The following FAM163A variants were observed in gnomAD, a reference collection of about 807,000 sequenced individuals.
FAM163A encodes the protein family with sequence similarity 163 member A, also known as protein FAM163A.
FAM163A carries 7 observed loss-of-function variants against 12.0 expected under a neutral mutation model. The observed-to-expected ratio is 0.58, with a 90% CI of 0.33 to 1.10. FAM163A has a LOEUF of 1.10. FAM163A is among the 50% of genes least tolerant of loss of function. The pLI is 0.03. For missense variants in FAM163A, 202 were observed against 218.6 expected (o/e 0.92, Z 0.48); for synonymous variants, 101 against 91.0 (o/e 1.11, Z -0.62).
chr1:179,743,996 T>G (rs1228182769), intron 1 of FAM163A, among the ~76,000 whole-genome samples: 1 of 152,028 alleles, frequency 6.6e-6, no homozygotes, highest in Non-Finnish European at 1.5e-5. Flanking sequence ...GGTCAGTGAG[T>G]CCGGATTCGT....
intron 1 of FAM163A, among the ~76,000 whole-genome samples, chr1:179,796,974 A>G (rs1429718024): frequency 6.6e-6 from 1 of 152,184 alleles, no homozygotes; most frequent in African/African-American, 2.4e-5. Flanking sequence ...AGGCCTGTGT[A>G]TGACACGGGG....
chr1:179,734,000 G>A, the FAM163A span, among the ~76,000 whole-genome samples: 1 of 152,172 alleles, frequency 6.6e-6, no homozygotes, highest in Non-Finnish European at 1.5e-5. Context: ...AAATTGGTGT[G>A]TTCCTGTTTA....
chr1:179,774,806 A>T (rs1478912276), intron 1 of FAM163A, among the ~76,000 whole-genome samples: 4 of 152,036 alleles, frequency 2.6e-5, no homozygotes, highest in African/African-American at 9.7e-5. Flanking sequence ...GTCCCCACTG[A>T]CCTCATTTTT....
intron 4 of FAM163A, 121 bp from the exon 5 acceptor site, chr1:179,813,658 T>C: frequency 8.7e-7 from 1 of 1,143,280 alleles, no homozygotes; most frequent in East Asian, 2.6e-5. Flanking sequence ...GCCCCTGGGG[T>C]TCAGTGCCTG....
At chr1:179,797,846 G>C (rs1352975527) in intron 1 of FAM163A, among the ~76,000 whole-genome samples, 1 of 152,180 alleles carries the variant, frequency 6.6e-6, no homozygotes, top group African/African-American at 2.4e-5. Context: ...CCCAAAGAAT[G>C]AGTTGAGAAT....
chr1:179,731,185 G>C, the FAM163A span, among the ~76,000 whole-genome samples: 3 of 152,236 alleles, frequency 2.0e-5, no homozygotes, highest in Admixed American at 2.0e-4. Flanking sequence ...CTAGTATTGA[G>C]TATACAGTCA....
At chr1:179,728,169 C>T in the FAM163A span, among the ~76,000 whole-genome samples, 1 of 152,114 alleles carries the variant, frequency 6.6e-6, no homozygotes, top group African/African-American at 2.4e-5. Context: ...ATTATGTTTC[C>T]TATCCTTAGT....
chr1:179,764,058 A>G (rs17279065), intron 1 of FAM163A, among the ~76,000 whole-genome samples: 48,439 of 152,040 alleles, frequency 0.32, 8,265 homozygotes, highest in Non-Finnish European at 0.37. Context: ...GAATCATAAC[A>G]ACTCTCAGGT....
intron 1 of FAM163A, among the ~76,000 whole-genome samples, chr1:179,746,576 A>G (rs900316512): frequency 4.6e-5 from 7 of 152,206 alleles, no homozygotes; most frequent in African/African-American, 1.7e-4. Flanking sequence ...TTGTCTGTGT[A>G]TAACTATAGA....
At chr1:179,799,457 G>A (rs577266555) in intron 1 of FAM163A, among the ~76,000 whole-genome samples, 5 of 152,364 alleles carry the variant, frequency 3.3e-5, no homozygotes, top group African/African-American at 9.6e-5. Context: ...GAGATGGGCC[G>A]CTCGGCACGT....
At chr1:179,766,781 G>GT (rs1557915403) in intron 1 of FAM163A, among the ~76,000 whole-genome samples, 1 of 150,608 alleles carries the variant, frequency 6.6e-6, no homozygotes, top group African/African-American at 2.4e-5. Flanking sequence ...TGGAGACGTA[G>GT]TTTTACTCTT....
At chr1:179,802,311 T>C (rs1247809495) in intron 1 of FAM163A, among the ~76,000 whole-genome samples, 1 of 152,242 alleles carries the variant, frequency 6.6e-6, no homozygotes, top group Non-Finnish European at 1.5e-5. Context: ...TTCTTATGCC[T>C]CTCATGCTTG....
Position 179,801,722 on chromosome 1 carries a change from A to G in FAM163A, c.-135-6076A>G, listed in dbSNP as rs3843268. Among the ~76,000 whole-genome samples, 1,437 of 152,310 alleles carry G rather than the reference A, an allele frequency of 9.4e-3. 21 individuals are homozygous for G. The highest frequency in any genetic ancestry group is 0.033 in the African/African-American group (1,369 of 41,558). On this transcript the variant is annotated intron_variant, in intron 1 of 4. Coordinates refer to ENST00000341785, the MANE Select transcript of FAM163A (RefSeq NM_173509.3). The stretch of plus-strand genomic sequence containing the variant: ...CCTAGTGCTTTTTCCACTGTGCACA[A>G]CAGAGCACAGCAGGATGGAAGGCTC...
chr1:179,774,863 G>A (rs1688729354), intron 1 of FAM163A, among the ~76,000 whole-genome samples: 1 of 152,120 alleles, frequency 6.6e-6, no homozygotes, highest in South Asian at 2.1e-4. Context: ...GTTTCCCTGA[G>A]CCCCCAGGCC....
chr1:179,783,640 A>G (rs1015545157), intron 1 of FAM163A, among the ~76,000 whole-genome samples: 22 of 147,318 alleles, frequency 1.5e-4, no homozygotes, highest in African/African-American at 5.5e-4. Flanking sequence ...TAAGTAGCAA[A>G]TCCAGAATCT....
intron 1 of FAM163A, among the ~76,000 whole-genome samples, chr1:179,788,182 GCTCCTCTAGT>G (rs945128638): frequency 2.0e-5 from 3 of 152,140 alleles, no homozygotes; most frequent in African/African-American, 7.2e-5. Context: ...CTATTTCCCT[GCTCCTCTAGT>G]CTCCAGTCAA....
At chr1:179,746,625 G>C (rs1049773451) in intron 1 of FAM163A, among the ~76,000 whole-genome samples, 2 of 152,146 alleles carry the variant, frequency 1.3e-5, no homozygotes, top group Non-Finnish European at 1.5e-5. Flanking sequence ...CAGGAAAAGT[G>C]GCCTGTAAAC....
chr1:179,770,194 C>T (rs982155645), intron 1 of FAM163A, among the ~76,000 whole-genome samples: 4 of 151,962 alleles, frequency 2.6e-5, no homozygotes, highest in Non-Finnish European at 2.9e-5. Context: ...TGTGAGCCAC[C>T]GCGCCTGGCC....
intron 1 of FAM163A, among the ~76,000 whole-genome samples, chr1:179,787,880 C>T (rs1690876919): frequency 6.6e-6 from 1 of 152,144 alleles, no homozygotes; most frequent in Non-Finnish European, 1.5e-5. Context: ...ATTTAACCCC[C>T]CAGCCTCCCA....
Sources: gnomAD v4.1 joint callset for allele counts (sites outside exome capture counted in the v4.1 genomes callset) on GRCh38, gnomAD v4.1.1 for gene constraint, MANE v1.5 for transcripts, NCBI Gene and HGNC (gene_info 2026-07-23, HGNC 2026-07-21) for gene names.